Variants in STAU1 observed in about 807,000 individuals in gnomAD.
The protein encoded by STAU1 is staufen double-stranded RNA binding protein 1.
STAU1 carries 13 observed loss-of-function variants against 62.9 expected under a neutral mutation model. That is an observed-to-expected ratio of 0.21 (90% CI 0.13 to 0.33). The LOEUF (loss-of-function observed/expected upper bound fraction) is 0.33. STAU1 is among the 10% of genes least tolerant of loss of function. STAU1 has a pLI of 1.00. For synonymous variants in STAU1, 269 were observed against 265.1 expected (o/e 1.01, Z -0.14); for missense variants, 571 against 712.1 (o/e 0.80, Z 2.25).
intron 2 of STAU1, among the ~76,000 whole-genome samples, chr20:49,168,085 A>T (rs1364561434): frequency 1.4e-5 from 2 of 144,568 alleles, no homozygotes; most frequent in Admixed American, 1.4e-4. Flanking sequence ...TAAATTTTTA[A>T]TTTTTTTTTT....
intron 8 of STAU1, 25 bp downstream of exon 8, chr20:49,123,067 G>A (rs762006329): frequency 6.4e-7 from 1 of 1,553,444 alleles, no homozygotes; most frequent in Non-Finnish European, 8.7e-7. Context: ...AGAGGAAGGG[G>A]CGCCCATCAT....
At chr20:49,148,981 T>C (rs1169769054) in intron 5 of STAU1, among the ~76,000 whole-genome samples, 1 of 152,128 alleles carries the variant, frequency 6.6e-6, no homozygotes, top group East Asian at 1.9e-4. Flanking sequence ...CCAGGTATGG[T>C]GGCTCATGCC....
intron 8 of STAU1, among the ~76,000 whole-genome samples, chr20:49,121,268 G>A (rs752607182): frequency 2.6e-5 from 4 of 152,134 alleles, no homozygotes; most frequent in Non-Finnish European, 5.9e-5. Context: ...GTAGCTGGGC[G>A]TGATGGTGGG....
intron 2 of STAU1, among the ~76,000 whole-genome samples, chr20:49,172,354 A>T (rs1265956864): frequency 2.0e-5 from 3 of 152,236 alleles, no homozygotes; most frequent in African/African-American, 7.2e-5. Context: ...CTTCTCTAGG[A>T]GACATTCTCA....
chr20:49,176,771 C>T (rs1876349919), intron 1 of STAU1, among the ~76,000 whole-genome samples: 1 of 152,148 alleles, frequency 6.6e-6, no homozygotes, highest in East Asian at 1.9e-4. Context: ...GACCTTCTAA[C>T]ATAGCCCATG....
chr20:49,215,834 CCA>C, the STAU1 span, among the ~76,000 whole-genome samples: 284 of 151,586 alleles, frequency 1.9e-3, 2 homozygotes, highest in Admixed American at 2.9e-3. Flanking sequence ...TGGTGAGACC[CCA>C]GTTTCTTCTA....
chr20:49,204,400 C>A, the STAU1 span, among the ~76,000 whole-genome samples: 10 of 151,400 alleles, frequency 6.6e-5, no homozygotes, highest in Non-Finnish European at 1.5e-4. Context: ...AATGGTTCAC[C>A]TATATTTACA....
In STAU1 at chr20:49,123,172, G is replaced by C. The variant is rs1337898709; in HGVS notation, c.886C>G (p.Gln296Glu). The change falls in exon 8 of 14, where the codon CAG becomes GAG. Residue 296 changes from glutamine (Q) to glutamate (E), a missense_variant. Physicochemically the swap from Gln to Glu is conservative, Grantham distance 29. Around this residue, in one of 3 missense-constraint regions of STAU1, gnomAD observed 414 missense variants for 499.6 expected, o/e 0.83. Coordinates refer to ENST00000371856, the MANE Select transcript of STAU1 (RefSeq NM_017453.4). The part of the protein sequence containing the change: ...NPISRLAQIQ[Q>E]AKKEKEPEYT... ...TCTGGCTCCTTCTCCTTTTTTGCCT[G>C]CTGGATCTGGGCCAGTCGGCTAATC... The C allele has an allele frequency of 3.1e-6, 5 of 1,613,486 alleles. No individual in the cohort carries two copies. Among genetic ancestry groups the C allele is most frequent in the Non-Finnish European group, 3.4e-6 (4 of 1,179,848 alleles).
chr20:49,203,070 G>A, the STAU1 span, among the ~76,000 whole-genome samples: 546 of 151,692 alleles, frequency 3.6e-3, 3 homozygotes, highest in African/African-American at 0.013. Context: ...AAAGAAATTA[G>A]AATAAGATCA....
rs371798003 is a variant in STAU1 at position 49,119,972 on chromosome 20, C to T, written c.1113+10G>A. 5.6e-6 allele frequency: 9 copies of T among 1,612,662 alleles called. No individual in the cohort carries two copies. Among genetic ancestry groups the T allele is most frequent in the Admixed American group, 3.3e-5 (2 of 59,876 alleles). On this transcript the variant is annotated intron_variant, in intron 9 of 13. Coordinates refer to ENST00000371856, the MANE Select transcript of STAU1 (RefSeq NM_017453.4). ...GACCATCTTGCAATCAGAGAGCCCACAGCACTCACCTTCTCCTCTGACTTG... is the reference window on the plus strand; with the variant it reads ...GACCATCTTGCAATCAGAGAGCCCATAGCACTCACCTTCTCCTCTGACTTG...
At chr20:49,135,992 G>A (rs922040055) in intron 5 of STAU1, 61 bp from the exon 6 acceptor site, 13 of 1,334,730 alleles carry the variant, frequency 9.7e-6, no homozygotes, top group South Asian at 3.8e-5. Context: ...CAGGTGAGTT[G>A]GTTCATGCTT....
chr20:49,187,480 T>C (rs2146651111), intron 1 of STAU1, among the ~76,000 whole-genome samples: 1 of 152,276 alleles, frequency 6.6e-6, no homozygotes, highest in Non-Finnish European at 1.5e-5. Flanking sequence ...CATTAAATTA[T>C]ACCTTCATAT....
intron 3 of STAU1, among the ~76,000 whole-genome samples, chr20:49,163,488 T>C (rs914442591): frequency 9.9e-5 from 14 of 141,648 alleles, no homozygotes; most frequent in Non-Finnish European, 1.8e-4. Context: ...TGCGGTGACA[T>C]GATCTTGGCT....
chr20:49,215,733 G>A, the STAU1 span, among the ~76,000 whole-genome samples: 25 of 152,184 alleles, frequency 1.6e-4, no homozygotes, highest in African/African-American at 5.1e-4. Flanking sequence ...TTTGCCAGGC[G>A]CAGTGGCTGA....
intron 12 of STAU1, among the ~76,000 whole-genome samples, chr20:49,116,136 T>C (rs1350274506): frequency 1.3e-5 from 2 of 152,212 alleles, no homozygotes; most frequent in African/African-American, 2.4e-5. Flanking sequence ...GTATAAATGT[T>C]ATATCCTGCT....
At chr20:49,134,805 C>G in intron 6 of STAU1, 1 of 1,341,554 alleles carries the variant, frequency 7.5e-7, no homozygotes, top group Middle Eastern at 1.8e-4. Context: ...CCTGGAGAGC[C>G]TGGTTTTCCA....
At chr20:49,157,774 G>A (rs1418795290) in intron 3 of STAU1, among the ~76,000 whole-genome samples, 4 of 151,954 alleles carry the variant, frequency 2.6e-5, no homozygotes, top group East Asian at 3.9e-4. Flanking sequence ...CACCATGCCC[G>A]GCCCATACCT....
chr20:49,192,839 G>A (rs2093832939), upstream of STAU1, among the ~76,000 whole-genome samples: 1 of 151,948 alleles, frequency 6.6e-6, no homozygotes, highest in South Asian at 2.1e-4. Context: ...GAGATCCCAA[G>A]AAAAATAACA....
At chr20:49,174,094 T>C (rs1600851214) in intron 2 of STAU1, 101 bp downstream of exon 2, 1 of 152,218 alleles carries the variant, frequency 6.6e-6, no homozygotes, top group South Asian at 2.1e-4. Context: ...TCTAATATTA[T>C]AGCCAGAAGT....
Sources: gnomAD v4.1 joint callset for allele counts (sites outside exome capture counted in the v4.1 genomes callset) on GRCh38, gnomAD v4.1.1 for gene constraint, gnomAD v4.1.1 regional missense constraint, MANE v1.5 for transcripts, NCBI Gene and HGNC (gene_info 2026-07-23, HGNC 2026-07-21) for gene names.